PMP22: variants seen among roughly 807,000 people sequenced by gnomAD.
PMP22 encodes the protein Charcot-Marie-Tooth neuropathy 1A (greatly reduced nerve conduction velocity, hereditary motor sensory neuropathy Ia).
A neutral mutation model predicts 18.9 loss-of-function variants in PMP22; 2 were observed. The ratio of observed to expected loss-of-function variants is 0.11; its 90% confidence interval spans 0.04 to 0.33. The LOEUF is 0.33. Among genes scored for constraint, PMP22 ranks in the 10% least tolerant of loss-of-function variants. The probability of loss-of-function intolerance (pLI) is 1.00; values close to 1 mark genes in which losing one functional copy is unlikely to be tolerated. For missense variants in PMP22, 169 were observed against 202.2 expected (o/e 0.84, Z 1.00); for synonymous variants, 95 against 89.2 (o/e 1.07, Z -0.37).
At chr17:15,248,822 C>T (rs557046764) in intron 3 of PMP22, among the ~76,000 whole-genome samples, 21 of 152,244 alleles carry the variant, frequency 1.4e-4, no homozygotes, top group South Asian at 4.1e-4. Context: ...GTCTTTCAAA[C>T]GGATTTATCA....
chr17:15,260,330 G>A (rs1909205873), intron 2 of PMP22: 2 of 383,070 alleles, frequency 5.2e-6, no homozygotes, highest in South Asian at 5.9e-5. Flanking sequence ...CTTCTTCAAC[G>A]AGGCTGCATC....
intron 3 of PMP22, among the ~76,000 whole-genome samples, chr17:15,253,050 T>C (rs1200522465): frequency 6.6e-6 from 1 of 152,246 alleles, no homozygotes; most frequent in African/African-American, 2.4e-5. Context: ...GTTCATTCAA[T>C]AGCAGGGCAA....
intron 2 of PMP22, 143 bp downstream of exon 2, chr17:15,260,507 G>A (rs545749481): frequency 1.5e-5 from 11 of 737,790 alleles, no homozygotes; most frequent in Non-Finnish European, 2.4e-5. Flanking sequence ...CTGGAAGGGG[G>A]CAGATTGCCA....
chr17:15,250,854 C>A (rs780946725), intron 3 of PMP22, among the ~76,000 whole-genome samples: 1 of 152,166 alleles, frequency 6.6e-6, no homozygotes, highest in Non-Finnish European at 1.5e-5. Flanking sequence ...TCATTGTCAT[C>A]TCAGTGTCAT....
intron 4 of PMP22, among the ~76,000 whole-genome samples, chr17:15,238,895 A>T (rs1201423491): frequency 6.6e-6 from 1 of 152,214 alleles, no homozygotes; most frequent in Non-Finnish European, 1.5e-5. Flanking sequence ...ACAATATGTG[A>T]CACAAGAGTG....
chr17:15,235,233 T>C (rs1344284252), intron 4 of PMP22: 1 of 717,630 alleles, frequency 1.4e-6, no homozygotes, highest in Admixed American at 2.0e-5. Flanking sequence ...GAGTCCCCTC[T>C]ATTCTTTCTG....
At chr17:15,264,887 T>C (rs1278154170) in intron 1 of PMP22, among the ~76,000 whole-genome samples, 2 of 152,154 alleles carry the variant, frequency 1.3e-5, no homozygotes, top group Non-Finnish European at 1.5e-5. Context: ...GGAAAAAGCA[T>C]CTAGATTCCT....
intron 3 of PMP22, among the ~76,000 whole-genome samples, chr17:15,243,620 A>G (rs962034034): frequency 8.0e-5 from 12 of 150,284 alleles, no homozygotes; most frequent in African/African-American, 1.5e-4. Context: ...TATAAATTAA[A>G]TATACAATTA....
chr17:15,244,019 T>C (rs890591048), intron 3 of PMP22, among the ~76,000 whole-genome samples: 10 of 151,954 alleles, frequency 6.6e-5, no homozygotes, highest in African/African-American at 1.7e-4. Context: ...GGCTATTCAT[T>C]TGGTAAAACA....
intron 3 of PMP22, among the ~76,000 whole-genome samples, chr17:15,247,193 C>A (rs1907906609): frequency 6.6e-6 from 1 of 151,540 alleles, no homozygotes; most frequent in Non-Finnish European, 1.5e-5. Flanking sequence ...CACGGTGAAA[C>A]CTCGTCTCTA....
chr17:15,248,066 T>C (rs998677357), intron 3 of PMP22, among the ~76,000 whole-genome samples: 32 of 152,236 alleles, frequency 2.1e-4, no homozygotes, highest in African/African-American at 7.5e-4. Flanking sequence ...TCCTAAACAA[T>C]GTGGCCTTTG....
In PMP22 at chr17:15,263,624, T is replaced by G. The variant is rs563517496; in HGVS notation, c.-35+1530A>C. Reference sequence around the variant, plus strand: ...ACACACTTCCCTACCTCTAGTGTACTGTGTCATAGAAGCTCATCACTCTCA... The same window carrying G: ...ACACACTTCCCTACCTCTAGTGTACGGTGTCATAGAAGCTCATCACTCTCA... On this transcript the variant is annotated intron_variant, in intron 1 of 4. Transcript: ENST00000312280. Among the ~76,000 whole-genome samples the G allele has an allele frequency of 9.0e-4, 137 of 151,748 alleles. 1 individual carries two copies. The highest frequency in any genetic ancestry group is 3.4e-3 in the Middle Eastern group (1 of 292).
At chr17:15,253,453 C>T (rs1908539542) in intron 3 of PMP22, among the ~76,000 whole-genome samples, 1 of 152,126 alleles carries the variant, frequency 6.6e-6, no homozygotes, top group Admixed American at 6.5e-5. Context: ...GCATTTCTAC[C>T]TTGTACAATT....
At position 15,258,813 on chromosome 17, in the gene PMP22, A is replaced by AT. The variant is rs1909051972; in HGVS notation, c.178+280dup. On this transcript the variant is annotated intron_variant, in intron 3 of 4. Coordinates refer to ENST00000312280, the MANE Select transcript of PMP22 (RefSeq NM_000304.4). This position sits in a 1 kb window ranked among gnomAD's most constrained non-coding sequence, Gnocchi z 4.1. ...CCACCTTCACAGCTCCCAGGTCGAT[A>AT]TTTTTTTCAATCACAAAAAGCATTA... is the stretch of plus-strand genomic sequence containing the variant. 4 of 466,584 alleles carry AT rather than the reference A, an allele frequency of 8.6e-6. No homozygotes were observed. The Admixed American group carries it at 1.0e-4, about 12-fold the overall frequency. 28.9% of individuals were successfully genotyped at this position (466,584 alleles called of 1,614,324 possible).
At chr17:15,259,860 C>T (rs1909154919) in intron 2 of PMP22, among the ~76,000 whole-genome samples, 2 of 149,568 alleles carry the variant, frequency 1.3e-5, no homozygotes, top group South Asian at 4.2e-4. Flanking sequence ...ATGGCTTGAA[C>T]CCGGAAGGCA....
chr17:15,255,802 C>T (rs1450386598), intron 3 of PMP22, among the ~76,000 whole-genome samples: 2 of 152,192 alleles, frequency 1.3e-5, no homozygotes, highest in East Asian at 1.9e-4. Context: ...CTACCTCCCA[C>T]CAGAGATTTC....
chr17:15,263,596 C>CACAT (rs987916397), intron 1 of PMP22, among the ~76,000 whole-genome samples: 1 of 151,722 alleles, frequency 6.6e-6, no homozygotes, highest in African/African-American at 2.4e-5. Context: ...CACACACACA[C>CACAT]ACACACACTT....
intron 4 of PMP22, among the ~76,000 whole-genome samples, chr17:15,236,001 C>A (rs1458502102): frequency 6.6e-6 from 1 of 151,760 alleles, no homozygotes; most frequent in Non-Finnish European, 1.5e-5. Context: ...CTCAAGTGAT[C>A]TGCCCACCTC....
At chr17:15,242,994 A>G (rs1907483591) in intron 3 of PMP22, among the ~76,000 whole-genome samples, 1 of 152,226 alleles carries the variant, frequency 6.6e-6, no homozygotes, top group Non-Finnish European at 1.5e-5. Flanking sequence ...AAGGAATTAT[A>G]TAGAGAGCCA....
Sources: allele counts gnomAD v4.1 joint callset (sites outside exome capture counted in the v4.1 genomes callset), GRCh38; gene constraint gnomAD v4.1.1; non-coding constraint Gnocchi (gnomAD v3.1); transcripts MANE v1.5; gene names NCBI Gene and HGNC (gene_info 2026-07-23, HGNC 2026-07-21).